Variants in UST observed in about 807,000 individuals in gnomAD.
The protein encoded by UST is uronyl 2-sulfotransferase.
UST carries 21 observed loss-of-function variants against 45.6 expected under a neutral mutation model. The ratio of observed to expected loss-of-function variants is 0.46; its 90% CI spans 0.33 to 0.66. The LOEUF is 0.66. UST is among the 30% of genes least tolerant of loss of function. The pLI is 0.02. For missense variants in UST, 463 were observed against 512.4 expected (o/e 0.90, Z 0.93); for synonymous variants, 215 against 200.6 (o/e 1.07, Z -0.61).
chr6:148,760,049 A>G (rs565386137), intron 1 of UST, among the ~76,000 whole-genome samples: 1 of 152,250 alleles, frequency 6.6e-6, no homozygotes, highest in South Asian at 2.1e-4. Flanking sequence ...TTTGGACCCA[A>G]ACACTTATTT....
Position 148,795,438 on chromosome 6 carries a change from C to T in UST, c.247+47761C>T, listed in dbSNP as rs1178536299. ...GCAGATGTGCTTCTGATTTGTGATA[C>T]AAAGTATCTCCTTGTTTGATTTCTT... is the stretch of plus-strand genomic sequence containing the variant. On this transcript the variant is annotated intron_variant, in intron 1 of 7. Coordinates refer to ENST00000367463, the MANE Select transcript of UST (RefSeq NM_005715.3). 5.9e-5 allele frequency among the ~76,000 whole-genome samples: 9 copies of T among 152,288 alleles called. No individual in the cohort carries two copies. In the East Asian group the frequency reaches 1.7e-3, roughly 29 times the overall value.
chr6:149,064,441 A>G (rs1459453340), intron 7 of UST, among the ~76,000 whole-genome samples: 3 of 152,224 alleles, frequency 2.0e-5, no homozygotes, highest in African/African-American at 7.2e-5. Context: ...AATTCTTGGC[A>G]CAGAGAAAGC....
chr6:148,923,480 A>G (rs1352859994), intron 2 of UST, among the ~76,000 whole-genome samples: 2 of 152,260 alleles, frequency 1.3e-5, no homozygotes, highest in Non-Finnish European at 2.9e-5. Context: ...CCAGGTGGCT[A>G]TAAAGTGGTA....
chr6:148,992,413 G>C (rs533262740), intron 5 of UST, among the ~76,000 whole-genome samples: 1 of 152,322 alleles, frequency 6.6e-6, no homozygotes, highest in Admixed American at 6.5e-5. Context: ...AGCTTGCAGT[G>C]AGCCGAGATC....
At chr6:148,791,767 AC>A (rs1239486302) in intron 1 of UST, among the ~76,000 whole-genome samples, 2 of 152,148 alleles carry the variant, frequency 1.3e-5, no homozygotes, top group East Asian at 3.9e-4. Context: ...CAGGAATTTC[AC>A]ACCAGGATCC....
intron 5 of UST, among the ~76,000 whole-genome samples, chr6:148,967,193 A>C (rs930392969): frequency 1.5e-4 from 23 of 152,156 alleles, no homozygotes; most frequent in African/African-American, 5.6e-4. Context: ...AGAAATTTGT[A>C]GGGGCTCCTT....
At position 149,074,005 on chromosome 6, in the gene UST, GC is replaced by G. The variant is rs760552029; in HGVS notation, c.1117del (p.Leu373Ter). ...KFGLKSHVSK[P>X]PLRPHFFIPT... is the part of the protein sequence containing the mutation. ...TTGGACTTAAGTCTCACGTCAGCAA[GC>G]CCCCCCTGAGGCCACACTTCTTTAT... On this transcript the variant is annotated frameshift_variant, in exon 8 of 8. Transcript: ENST00000367463. LOFTEE classifies it high-confidence loss of function. 3 of 1,614,136 alleles carry G rather than the reference GC, an allele frequency of 1.9e-6. No individual in the cohort carries two copies. The highest frequency in any genetic ancestry group is 2.2e-5 in the East Asian group (1 of 44,884).
intron 1 of UST, among the ~76,000 whole-genome samples, chr6:148,807,945 G>A (rs1425456799): frequency 2.0e-5 from 3 of 152,164 alleles, no homozygotes; most frequent in Non-Finnish European, 4.4e-5. Flanking sequence ...ACAAGACACC[G>A]CCTTGTTCAT....
chr6:149,041,533 G>C (rs973170581), intron 7 of UST, among the ~76,000 whole-genome samples: 2 of 152,226 alleles, frequency 1.3e-5, no homozygotes, highest in African/African-American at 4.8e-5. Flanking sequence ...CTCTCCTCCA[G>C]GGTAGCCCCT....
At chr6:148,850,831 C>T (rs1481093079) in intron 1 of UST, among the ~76,000 whole-genome samples, 2 of 152,216 alleles carry the variant, frequency 1.3e-5, no homozygotes, top group African/African-American at 2.4e-5. Context: ...TTGTCCCACT[C>T]GGACGAGGCC....
In UST at chr6:148,886,970, T is replaced by C; in HGVS notation, c.248-16T>C. Reference sequence around the variant, plus strand: ...TTTAAAAAACGGATTCATCAACTTTTTCCTTTATTTTCTAGGAAATTCCAC... The same window carrying C: ...TTTAAAAAACGGATTCATCAACTTTCTCCTTTATTTTCTAGGAAATTCCAC... On this transcript the variant is annotated splice_polypyrimidine_tract_variant and intron_variant, in intron 1 of 7. Coordinates refer to ENST00000367463, the MANE Select transcript of UST (RefSeq NM_005715.3). The C allele has an allele frequency of 1.2e-6, 2 of 1,609,588 alleles. No homozygotes were observed. Among genetic ancestry groups the C allele is most frequent in the East Asian group, 2.2e-5 (1 of 44,852 alleles).
chr6:148,758,476 T>C lies in UST; in HGVS notation c.247+10799T>C, dbSNP rs187227167. On this transcript the variant is annotated intron_variant, in intron 1 of 7. Coordinates refer to ENST00000367463, the MANE Select transcript of UST (RefSeq NM_005715.3). ...CTTACTCTCTGGGATAGCCAGCTGT[T>C]CTAGGATTGCACTAGTGATCCATAA... Among the ~76,000 whole-genome samples the C allele has an allele frequency of 5.3e-5, 8 of 152,300 alleles. No homozygotes were observed. In the East Asian group the frequency reaches 1.2e-3, roughly 22 times the overall value.
At chr6:148,840,550 A>T (rs1777868658) in intron 1 of UST, among the ~76,000 whole-genome samples, 1 of 152,158 alleles carries the variant, frequency 6.6e-6, no homozygotes, top group Non-Finnish European at 1.5e-5. Flanking sequence ...CCACCTGCAG[A>T]TACCAGAATC....
chr6:148,944,387 T>C (rs1245745248), intron 3 of UST, among the ~76,000 whole-genome samples: 1 of 152,166 alleles, frequency 6.6e-6, no homozygotes, highest in Non-Finnish European at 1.5e-5. Flanking sequence ...AAATGAACTT[T>C]GGAATATTAT....
Position 148,934,419 on chromosome 6 carries a change from G to T in UST, c.292-6860G>T, listed in dbSNP as rs935959025. Among the ~76,000 whole-genome samples the T allele has an allele frequency of 2.0e-5, 3 of 152,148 alleles. No individual in the cohort carries two copies. Among genetic ancestry groups the T allele is most frequent in the African/African-American group, 7.2e-5 (3 of 41,418 alleles). On this transcript the variant is annotated intron_variant, in intron 2 of 7. Coordinates refer to ENST00000367463, the MANE Select transcript of UST (RefSeq NM_005715.3). This position sits in a 1 kb window ranked among gnomAD's most constrained non-coding sequence, Gnocchi z 4.1. ...CAGTCAGTATAATATTCATGCTAAG[G>T]GTCTAATGCTTTAACAACATTCAGT...
chr6:148,901,555 CTT>C (rs11438263), intron 2 of UST, among the ~76,000 whole-genome samples: 60 of 130,286 alleles, frequency 4.6e-4, no homozygotes, highest in African/African-American at 1.2e-3. Flanking sequence ...ACCCGTGTCA[CTT>C]TTTTTTTTTT....
At chr6:148,931,098 T>C (rs1779914199) in intron 2 of UST, among the ~76,000 whole-genome samples, 1 of 152,214 alleles carries the variant, frequency 6.6e-6, no homozygotes, top group Non-Finnish European at 1.5e-5. Flanking sequence ...ATGAGAATAA[T>C]GGACTCTTTC....
At chr6:148,938,036 G>A (rs924107615) in intron 2 of UST, among the ~76,000 whole-genome samples, 8 of 152,140 alleles carry the variant, frequency 5.3e-5, no homozygotes, top group African/African-American at 1.7e-4. Flanking sequence ...CAATGAACAG[G>A]CTTTTGAAGT....
chr6:149,020,846 T>A lies in UST; in HGVS notation c.780-478T>A, dbSNP rs573595872. On this transcript the variant is annotated intron_variant, in intron 6 of 7. Transcript: ENST00000367463. ...AAAAATCCAAAGATTCCTCTTTAAC[T>A]CTTCCAAAGAATAAGATGATTAATA... is the stretch of plus-strand genomic sequence containing the variant. Among the ~76,000 whole-genome samples, 3 of 152,354 alleles carry A rather than the reference T, an allele frequency of 2.0e-5. No homozygotes were observed. In the South Asian group the frequency reaches 6.2e-4, roughly 32 times the overall value.
Sources: allele counts gnomAD v4.1 joint callset (sites outside exome capture counted in the v4.1 genomes callset), GRCh38; gene constraint gnomAD v4.1.1; non-coding constraint Gnocchi (gnomAD v3.1); transcripts MANE v1.5; gene names NCBI Gene and HGNC (gene_info 2026-07-23, HGNC 2026-07-21).